Variants in TNS1 observed in about 807,000 individuals in gnomAD.
TNS1 encodes the protein tensin-1.
A neutral mutation model predicts 168.6 loss-of-function variants in TNS1; 62 were observed. That is an observed-to-expected ratio of 0.37 (90% confidence interval 0.30 to 0.45). The LOEUF is 0.45. TNS1 is among the 20% of genes least tolerant of loss of function. The probability of loss-of-function intolerance (pLI) is 1.00; values close to 1 mark genes in which losing one functional copy is unlikely to be tolerated. For synonymous variants in TNS1, 934 were observed against 933.2 expected (o/e 1.00, Z -0.02); for missense variants, 2,240 against 2,339.4 (o/e 0.96, Z 0.88).
chr2:217,914,521 T>C (rs565534833), intron 4 of TNS1, among the ~76,000 whole-genome samples: 1 of 152,316 alleles, frequency 6.6e-6, no homozygotes, highest in African/African-American at 2.4e-5. Context: ...TTTGTTTTTG[T>C]TTTTGTTTTG....
chr2:218,024,849 T>A (rs999547628), intron 1 of TNS1, among the ~76,000 whole-genome samples: 6 of 152,052 alleles, frequency 3.9e-5, no homozygotes, highest in Non-Finnish European at 7.4e-5. Context: ...CACAGAGGCA[T>A]CCTAAGCAGA....
At chr2:217,824,842 C>T (rs1240441731) in intron 22 of TNS1, among the ~76,000 whole-genome samples, 1 of 152,128 alleles carries the variant, frequency 6.6e-6, no homozygotes, top group Non-Finnish European at 1.5e-5. Context: ...CACCACCTCT[C>T]TCCCAGCCAG....
At chr2:217,849,585 A>C (rs1165366848) in intron 18 of TNS1, 2 of 935,064 alleles carry the variant, frequency 2.1e-6, no homozygotes, top group Non-Finnish European at 2.6e-6. Context: ...TGGGAGCCCT[A>C]ACCATCACCA....
At chr2:217,872,738 C>A (rs1949878899) in intron 18 of TNS1, among the ~76,000 whole-genome samples, 1 of 152,212 alleles carries the variant, frequency 6.6e-6, no homozygotes, top group African/African-American at 2.4e-5. Flanking sequence ...CTTGCACATA[C>A]ATGTTGACAG....
At chr2:217,877,979 T>A (rs1159217856) in intron 18 of TNS1, among the ~76,000 whole-genome samples, 1 of 152,100 alleles carries the variant, frequency 6.6e-6, no homozygotes, top group African/African-American at 2.4e-5. Context: ...GGGCCTGAAA[T>A]AGAAGAGGTA....
At position 217,885,204 on chromosome 2, in the gene TNS1, G is replaced by A. The variant is rs753782932; in HGVS notation, c.1117-40C>T. 10 of 1,613,310 alleles carry A rather than the reference G, an allele frequency of 6.2e-6. No individual in the cohort carries two copies. In the Admixed American group the frequency reaches 1.5e-4, roughly 24 times the overall value. ...GGGCAGAACCAGTCAGGGGCCTGAG[G>A]CTGGGAGGTCAGGTCCCAGGGAGCC... On this transcript the variant is annotated intron_variant, in intron 15 of 32. Coordinates refer to ENST00000682258, the MANE Select transcript of TNS1 (RefSeq NM_001387777.1).
intron 18 of TNS1, among the ~76,000 whole-genome samples, chr2:217,864,393 G>A (rs1351786072): frequency 6.6e-6 from 1 of 152,192 alleles, no homozygotes; most frequent in Non-Finnish European, 1.5e-5. Flanking sequence ...TTTCAAAGTG[G>A]ATATTGTTAT....
intron 3 of TNS1, among the ~76,000 whole-genome samples, chr2:217,957,438 C>T (rs1957393494): frequency 6.6e-6 from 1 of 152,090 alleles, no homozygotes; most frequent in African/African-American, 2.4e-5. Flanking sequence ...GAGAGGGAGC[C>T]GACACTGGAC....
At chr2:217,808,558 T>A in intron 31 of TNS1, 45 bp downstream of exon 31, 2 of 1,566,110 alleles carry the variant, frequency 1.3e-6, no homozygotes, top group Non-Finnish European at 1.8e-6. Context: ...CAGACGTCAG[T>A]GTTAGAAAGC....
rs1482487004 is a variant in TNS1, at chr2:217,893,429, C to T, written c.717+10G>A. On this transcript the variant is annotated intron_variant, in intron 10 of 32. Coordinates refer to ENST00000682258, the MANE Select transcript of TNS1 (RefSeq NM_001387777.1). ...ACACACACACACACACACACACACACAGCTCTGACCTTGTTGTGTAGAACA... is the reference window on the plus strand; with the variant it reads ...ACACACACACACACACACACACACATAGCTCTGACCTTGTTGTGTAGAACA... The T allele has an allele frequency of 1.9e-6, 3 of 1,591,098 alleles. No individual in the cohort carries two copies. The highest frequency in any genetic ancestry group is 2.6e-6 in the Non-Finnish European group (3 of 1,165,198).
rs375288245 is a variant in TNS1, at chr2:217,835,201, C to T, written c.3205-35G>A. Reference sequence around the variant, plus strand: ...AACACAGGGGAGAAAAAGAGGGAAACCATGAGAAGGAGAGATTTCCCCTTC... The same window carrying T: ...AACACAGGGGAGAAAAAGAGGGAAATCATGAGAAGGAGAGATTTCCCCTTC... On this transcript the variant is annotated intron_variant, in intron 20 of 32. Coordinates refer to ENST00000682258, the MANE Select transcript of TNS1 (RefSeq NM_001387777.1). The T allele has an allele frequency of 2.1e-5, 33 of 1,584,928 alleles. No individual in the cohort carries two copies. In the African/African-American group the frequency reaches 4.3e-4, roughly 21 times the overall value.
At chr2:217,969,903 C>T (rs934937521) in intron 3 of TNS1, among the ~76,000 whole-genome samples, 2 of 152,184 alleles carry the variant, frequency 1.3e-5, no homozygotes, top group Non-Finnish European at 2.9e-5. Flanking sequence ...AAGTCCTAAC[C>T]CCCAGCACCT....
intron 3 of TNS1, among the ~76,000 whole-genome samples, chr2:217,963,128 T>C (rs760669386): frequency 2.0e-5 from 3 of 152,048 alleles, no homozygotes; most frequent in Non-Finnish European, 2.9e-5. Context: ...GGTCAGAGGA[T>C]AGTTCAAGAA....
intron 1 of TNS1, among the ~76,000 whole-genome samples, chr2:218,016,403 A>C (rs1306586462): frequency 6.6e-6 from 1 of 152,104 alleles, no homozygotes; most frequent in Admixed American, 6.6e-5. Context: ...CTTCAGGTCC[A>C]TCTATCCAGC....
At chr2:217,867,182 A>T (rs1302949988) in intron 18 of TNS1, among the ~76,000 whole-genome samples, 2 of 152,174 alleles carry the variant, frequency 1.3e-5, no homozygotes, top group Non-Finnish European at 2.9e-5. Context: ...ATATTAAAGG[A>T]GGTGGGCGGA....
intron 3 of TNS1, among the ~76,000 whole-genome samples, chr2:217,931,514 G>A (rs1194672973): frequency 2.0e-5 from 3 of 152,144 alleles, no homozygotes; most frequent in Non-Finnish European, 1.5e-5. Flanking sequence ...TCTGAGGCTG[G>A]GGCCACACTC....
At chr2:218,031,168 T>G (rs528289397) in intron 1 of TNS1, among the ~76,000 whole-genome samples, 1 of 141,174 alleles carries the variant, frequency 7.1e-6, no homozygotes, top group African/African-American at 2.8e-5. Context: ...TGTCTATGAG[T>G]GTCTTGTGTG....
chr2:217,813,116 G>A lies in TNS1; in HGVS notation c.4954+99C>T. On this transcript the variant is annotated intron_variant, in intron 27 of 32. Transcript: ENST00000682258. This position sits in a 1 kb window ranked among gnomAD's most constrained non-coding sequence, Gnocchi z 4.0. ...ATTTATGACAAGGGTGACTGGCAGA[G>A]CCTGTCAGAAAGAACTTGGGGTCAG... The A allele has an allele frequency of 2.5e-6, 2 of 792,318 alleles. No individual in the cohort carries two copies. The highest frequency in any genetic ancestry group is 4.3e-6 in the Non-Finnish European group (2 of 466,698). 49.1% of individuals were successfully genotyped at this position (792,318 alleles called of 1,614,324 possible).
At chr2:217,912,029 C>T (rs567006722) in intron 4 of TNS1, among the ~76,000 whole-genome samples, 2 of 152,302 alleles carry the variant, frequency 1.3e-5, no homozygotes, top group South Asian at 4.1e-4. Flanking sequence ...GCTCCACATC[C>T]TTTCCTCAAT....
Sources: gnomAD v4.1 joint callset for allele counts (sites outside exome capture counted in the v4.1 genomes callset) on GRCh38, gnomAD v4.1.1 for gene constraint, Gnocchi (gnomAD v3.1) non-coding constraint, MANE v1.5 for transcripts, NCBI Gene and HGNC (gene_info 2026-07-23, HGNC 2026-07-21) for gene names.